Variants in JAZF1 observed in about 807,000 individuals in gnomAD.
The protein encoded by JAZF1 is JAZF zinc finger 1, also known as juxtaposed with another zinc finger protein 1.
In JAZF1, 8 loss-of-function variants were observed where a neutral mutation model predicts 26.4. That is an observed-to-expected ratio of 0.30 (90% CI 0.18 to 0.55). The LOEUF (loss-of-function observed/expected upper bound fraction) is 0.55. Ranked by LOEUF, JAZF1 falls within the 20% of genes least tolerant of loss-of-function variation. The pLI is 0.94. For missense variants in JAZF1, 199 were observed against 322.0 expected (o/e 0.62, Z 2.92); for synonymous variants, 126 against 122.3 (o/e 1.03, Z -0.20).
chr7:27,849,236 T>A (rs1296898705), intron 3 of JAZF1, among the ~76,000 whole-genome samples: 1 of 152,128 alleles, frequency 6.6e-6, no homozygotes, highest in Non-Finnish European at 1.5e-5. Context: ...AAACCACACG[T>A]GACGTTCAGT....
intron 3 of JAZF1, among the ~76,000 whole-genome samples, chr7:27,845,225 G>C (rs960921032): frequency 6.6e-6 from 1 of 152,204 alleles, no homozygotes; most frequent in African/African-American, 2.4e-5. Flanking sequence ...GTCACAGAAA[G>C]AATCTACCCC....
chr7:27,844,136 G>C (rs921129143), intron 3 of JAZF1: 38 of 152,262 alleles, frequency 2.5e-4, no homozygotes, highest in African/African-American at 7.2e-4. Context: ...CAGGCGCTCA[G>C]ATGCTGGCAC....
intron 1 of JAZF1, among the ~76,000 whole-genome samples, chr7:28,107,816 C>T (rs1019128825): frequency 3.9e-5 from 6 of 152,230 alleles, no homozygotes; most frequent in Non-Finnish European, 7.3e-5. Flanking sequence ...CGGAGTTCCA[C>T]TTTACAGACC....
chr7:27,868,754 T>C (rs761969814), intron 3 of JAZF1, among the ~76,000 whole-genome samples: 2 of 152,216 alleles, frequency 1.3e-5, no homozygotes, highest in South Asian at 4.1e-4. Context: ...TTGTGGGATC[T>C]TGGGGACTTA....
At chr7:28,067,987 C>T (rs1013155177) in intron 1 of JAZF1, among the ~76,000 whole-genome samples, 1 of 152,192 alleles carries the variant, frequency 6.6e-6, no homozygotes, top group Non-Finnish European at 1.5e-5. Context: ...GATCTCAGCT[C>T]ACTGAAACCT....
intron 1 of JAZF1, among the ~76,000 whole-genome samples, chr7:28,069,232 G>C (rs184547368): frequency 2.0e-5 from 3 of 152,168 alleles, no homozygotes; most frequent in Non-Finnish European, 4.4e-5. Flanking sequence ...TTGATCTCAC[G>C]GCCTCATCTC....
chr7:27,847,663 C>G (rs1276179426), intron 3 of JAZF1, among the ~76,000 whole-genome samples: 1 of 152,048 alleles, frequency 6.6e-6, no homozygotes, highest in Non-Finnish European at 1.5e-5. Context: ...TTTTGATTAT[C>G]TTTGCTTTAT....
chr7:27,841,016 C>T (rs1782912707), intron 3 of JAZF1, 149 bp from the exon 4 acceptor site: 1 of 701,920 alleles, frequency 1.4e-6, no homozygotes, highest in Non-Finnish European at 2.4e-6. Flanking sequence ...GGACTGCAAA[C>T]ACGGCTATTC....
intron 1 of JAZF1, among the ~76,000 whole-genome samples, chr7:28,023,706 G>C (rs796735096): frequency 1.7e-4 from 26 of 152,318 alleles, no homozygotes; most frequent in African/African-American, 5.8e-4. Context: ...TAGGCGCTAA[G>C]GCAAAGTGAA....
At chr7:27,936,126 C>T (rs17156041) in intron 2 of JAZF1, among the ~76,000 whole-genome samples, 28,619 of 152,186 alleles carry the variant, frequency 0.19, 3,336 homozygotes, top group East Asian at 0.46. Flanking sequence ...TTTCTTTTTC[C>T]TAAAAATGTT....
chr7:28,180,527 C>A lies in JAZF1; in HGVS notation c.51G>T (p.Gly17=), dbSNP rs746795421. ...ASFFSNTCRF[G]GCGLHFPTLA... is the part of the protein sequence containing the mutation. The stretch of plus-strand genomic sequence containing the variant: ...GGGTGGGGAAGTGGAGTCCGCAGCC[C>A]CCGAATCGGCAGGTATTGGAGAAGA... Residue 17 remains glycine (G), a synonymous_variant, in exon 1 of 5, where the codon GGG becomes GGT. Transcript: ENST00000283928. The A allele has an allele frequency of 6.2e-7, 1 of 1,610,560 alleles. No individual in the cohort carries two copies. The highest frequency in any genetic ancestry group is 1.1e-5 in the South Asian group (1 of 90,862).
At chr7:28,108,108 T>A (rs919714260) in intron 1 of JAZF1, among the ~76,000 whole-genome samples, 1 of 152,218 alleles carries the variant, frequency 6.6e-6, no homozygotes. Context: ...CAACACAACC[T>A]CAATTCTGCA....
At chr7:27,892,389 G>A (rs1021724442) in intron 3 of JAZF1, among the ~76,000 whole-genome samples, 2 of 152,142 alleles carry the variant, frequency 1.3e-5, no homozygotes, top group African/African-American at 4.8e-5. Context: ...TCTGAAGGAA[G>A]GGAAATGATT....
intron 2 of JAZF1, among the ~76,000 whole-genome samples, chr7:27,943,581 C>T (rs1427593249): frequency 6.6e-6 from 1 of 152,222 alleles, no homozygotes; most frequent in African/African-American, 2.4e-5. Flanking sequence ...AATCCTTCCC[C>T]TCGATATGAT....
intron 3 of JAZF1, 179 bp from the exon 4 acceptor site, chr7:27,841,046 G>A: frequency 1.7e-6 from 1 of 596,806 alleles, no homozygotes. Context: ...CCTGGAAGCA[G>A]GAGCCCTGCG....
intron 3 of JAZF1, among the ~76,000 whole-genome samples, chr7:27,856,895 G>A (rs1783268779): frequency 6.6e-6 from 1 of 152,230 alleles, no homozygotes; most frequent in African/African-American, 2.4e-5. Context: ...CAAACCTTGA[G>A]CTAGAGACAA....
chr7:27,887,890 G>A (rs1236447060), intron 3 of JAZF1, among the ~76,000 whole-genome samples: 1 of 152,178 alleles, frequency 6.6e-6, no homozygotes, highest in Admixed American at 6.5e-5. Flanking sequence ...TGCTGGGGAA[G>A]CAGAATTAGC....
intron 3 of JAZF1, among the ~76,000 whole-genome samples, chr7:27,875,325 G>A (rs944020436): frequency 4.6e-5 from 7 of 151,954 alleles, no homozygotes; most frequent in East Asian, 1.9e-4. Context: ...CTCTTTCCTC[G>A]GCACAGCTGG....
chr7:27,961,390 C>G (rs1785182947), intron 2 of JAZF1, among the ~76,000 whole-genome samples: 1 of 152,206 alleles, frequency 6.6e-6, no homozygotes, highest in African/African-American at 2.4e-5. Flanking sequence ...ACGTAATTGC[C>G]TGAGGCAGGA....
Sources: gnomAD v4.1 joint callset for allele counts (sites outside exome capture counted in the v4.1 genomes callset) on GRCh38, gnomAD v4.1.1 for gene constraint, MANE v1.5 for transcripts, NCBI Gene and HGNC (gene_info 2026-07-23, HGNC 2026-07-21) for gene names.